The following SREBF2 variants were observed in gnomAD, a reference collection of about 807,000 sequenced individuals.
SREBF2 encodes the protein sterol regulatory element-binding protein 2.
A neutral mutation model predicts 113.1 loss-of-function variants in SREBF2; 55 were observed. The observed-to-expected ratio is 0.49, with a 90% CI of 0.39 to 0.61. The LOEUF (loss-of-function observed/expected upper bound fraction) is 0.61, where lower values mean the gene tolerates loss of function less well. Ranked by LOEUF, SREBF2 falls within the 20% of genes least tolerant of loss-of-function variation. The pLI is 0.00. For synonymous variants in SREBF2, 593 were observed against 605.7 expected (o/e 0.98, Z 0.31); for missense variants, 1,349 against 1,487.4 (o/e 0.91, Z 1.53).
intron 1 of SREBF2, among the ~76,000 whole-genome samples, chr22:41,863,879 CTATT>C (rs968261191): frequency 1.3e-5 from 2 of 151,876 alleles, no homozygotes; most frequent in Non-Finnish European, 2.9e-5. Flanking sequence ...ATTTATCTAT[CTATT>C]TATTTATTTA....
At position 41,871,064 on chromosome 22, in the gene SREBF2, TCCCTCC is replaced by T. The variant is rs761533463; in HGVS notation, c.867+34_867+39del. ...AGAGCTGCCTTCTCCCCCACCCTCCTCCCTCCCCCTTTATTCCTGGAGGTGTTAGTC... is the reference window on the plus strand; with the variant it reads ...AGAGCTGCCTTCTCCCCCACCCTCCTCCCTTTATTCCTGGAGGTGTTAGTC... On this transcript the variant is annotated intron_variant, in intron 4 of 18. Coordinates refer to ENST00000361204, the MANE Select transcript of SREBF2 (RefSeq NM_004599.4). The T allele has an allele frequency of 4.6e-5, 73 of 1,598,932 alleles. No individual in the cohort carries two copies. The African/African-American group carries it at 8.6e-4, about 19-fold the overall frequency.
intron 11 of SREBF2, chr22:41,885,782 ATTTG>A (rs988513361): frequency 6.5e-6 from 1 of 152,968 alleles, no homozygotes; most frequent in Non-Finnish European, 1.5e-5. Context: ...CCACATCTCT[ATTTG>A]TTTCCGTATC....
At chr22:41,877,104 T>C in intron 7 of SREBF2, 125 bp from the exon 8 acceptor site, 1 of 966,376 alleles carries the variant, frequency 1.0e-6, no homozygotes, top group East Asian at 2.6e-5. Context: ...CATCTGGCCT[T>C]AGTCCTGAGT....
chr22:41,868,814 A>AG (rs745955887), intron 3 of SREBF2, 22 bp downstream of exon 3: 2 of 1,591,678 alleles, frequency 1.3e-6, no homozygotes, highest in African/African-American at 2.7e-5. Context: ...GAAAGGATTC[A>AG]GGGAGGCACT....
chr22:41,894,527 C>T (rs1004955075), intron 12 of SREBF2, among the ~76,000 whole-genome samples: 1 of 152,166 alleles, frequency 6.6e-6, no homozygotes, highest in African/African-American at 2.4e-5. Flanking sequence ...CCAACTCCAC[C>T]TGACAGCTCC....
At chr22:41,861,279 C>G (rs983463001) in intron 1 of SREBF2, among the ~76,000 whole-genome samples, 1 of 151,608 alleles carries the variant, frequency 6.6e-6, no homozygotes, top group Non-Finnish European at 1.5e-5. Flanking sequence ...GTCAGCAGTT[C>G]GAGACGAGCC....
intron 11 of SREBF2, among the ~76,000 whole-genome samples, chr22:41,887,620 G>A (rs2077311664): frequency 6.6e-6 from 1 of 152,206 alleles, no homozygotes; most frequent in Non-Finnish European, 1.5e-5. Flanking sequence ...GATTATTGCA[G>A]ATGAACTTTT....
intron 3 of SREBF2, 31 bp from the exon 4 acceptor site, chr22:41,870,858 A>G (rs781682092): frequency 1.2e-6 from 2 of 1,613,932 alleles, no homozygotes; most frequent in Non-Finnish European, 1.7e-6. Context: ...TAATGCTATC[A>G]TCCTTTTACT....
intron 1 of SREBF2, among the ~76,000 whole-genome samples, chr22:41,852,102 T>C (rs575405824): frequency 2.0e-5 from 3 of 151,100 alleles, no homozygotes; most frequent in Non-Finnish European, 4.4e-5. Context: ...GCCTGGGCGA[T>C]AGAGAGAGAC....
At chr22:41,868,191 A>G (rs773388415) in intron 2 of SREBF2, among the ~76,000 whole-genome samples, 18 of 152,178 alleles carry the variant, frequency 1.2e-4, no homozygotes, top group South Asian at 1.0e-3. Flanking sequence ...TAGTTCTTCA[A>G]TGGAGTTCAA....
At chr22:41,858,068 A>C (rs1387427144) in intron 1 of SREBF2, among the ~76,000 whole-genome samples, 1 of 152,166 alleles carries the variant, frequency 6.6e-6, no homozygotes, top group Non-Finnish European at 1.5e-5. Flanking sequence ...TAATTATTAG[A>C]AAAAAACATT....
At chr22:41,866,407 G>A (rs143256776) in intron 1 of SREBF2, among the ~76,000 whole-genome samples, 2,668 of 152,214 alleles carry the variant, frequency 0.018, 32 homozygotes, top group Non-Finnish European at 0.026. Flanking sequence ...AAAATTAGCC[G>A]GGCATGGTGC....
chr22:41,897,228 C>CCCCTGGGGCAAA, intron 14 of SREBF2, 67 bp downstream of exon 14: 1 of 1,030,770 alleles, frequency 9.7e-7, no homozygotes, highest in Non-Finnish European at 1.5e-6. Context: ...GCTTTTGCCC[C>CCCCTGGGGCAAA]AGGGGTCCAG....
intron 10 of SREBF2, among the ~76,000 whole-genome samples, chr22:41,881,224 T>C (rs2148397084): frequency 6.6e-6 from 1 of 152,384 alleles, no homozygotes; most frequent in East Asian, 1.9e-4. Context: ...ATACTCAGGA[T>C]GTGTCCTATA....
intron 4 of SREBF2, 59 bp downstream of exon 4, chr22:41,871,094 T>G: frequency 6.2e-7 from 1 of 1,607,306 alleles, no homozygotes; most frequent in Middle Eastern, 1.7e-4. Flanking sequence ...GAGGTGTTAG[T>G]CTTCAGAGAT....
chr22:41,893,087 G>A lies in SREBF2; in HGVS notation c.2209-30G>A, dbSNP rs368696210. 37 of 1,611,208 alleles carry A rather than the reference G, an allele frequency of 2.3e-5. No individual in the cohort carries two copies. In the Middle Eastern group the frequency reaches 8.4e-4, roughly 37 times the overall value. ...CTGCAGCCAGCATTCTGCCACCTTG[G>A]TGTTACCCCTGGTCCTTGTCCTTCC... is the stretch of plus-strand genomic sequence containing the variant. On this transcript the variant is annotated intron_variant, in intron 11 of 18. Transcript: ENST00000361204.
intron 18 of SREBF2, 56 bp downstream of exon 18, chr22:41,905,030 AGAG>A (rs1263337746): frequency 1.9e-5 from 28 of 1,456,038 alleles, no homozygotes; most frequent in African/African-American, 2.8e-5. Flanking sequence ...CCCTAGGAAG[AGAG>A]GAGAAGAGGG....
chr22:41,905,250 T>C (rs1350882358), intron 18 of SREBF2, among the ~76,000 whole-genome samples, 190 bp from the exon 19 acceptor site: 2 of 152,182 alleles, frequency 1.3e-5, no homozygotes, highest in Non-Finnish European at 2.9e-5. Context: ...TGTGGGCCCA[T>C]CTCAGCCCCA....
chr22:41,881,824 C>G (rs1418727081), intron 10 of SREBF2, among the ~76,000 whole-genome samples: 1 of 152,188 alleles, frequency 6.6e-6, no homozygotes, highest in Non-Finnish European at 1.5e-5. Flanking sequence ...GTAGTCCCAG[C>G]ACTTTGGGAG....
Sources: gnomAD v4.1 joint callset for allele counts (sites outside exome capture counted in the v4.1 genomes callset) on GRCh38, gnomAD v4.1.1 for gene constraint, MANE v1.5 for transcripts, NCBI Gene and HGNC (gene_info 2026-07-23, HGNC 2026-07-21) for gene names.